Variants in INSR observed in about 807,000 individuals in gnomAD.
INSR encodes the protein IR.
Under a neutral mutation model 142.6 loss-of-function variants are expected in INSR, and 67 were observed. The observed-to-expected ratio is 0.47, with a 90% CI of 0.39 to 0.58. The LOEUF (loss-of-function observed/expected upper bound fraction) is 0.58. Among genes scored for constraint, INSR ranks in the 20% least tolerant of loss-of-function variants. INSR has a pLI of 0.00. For missense variants in INSR, 1,248 were observed against 1,833.2 expected (o/e 0.68, Z 5.83); for synonymous variants, 756 against 743.1 (o/e 1.02, Z -0.28).
intron 3 of INSR, among the ~76,000 whole-genome samples, chr19:7,181,720 T>C (rs73486582): frequency 0.013 from 2,037 of 152,006 alleles, 28 homozygotes; most frequent in Middle Eastern, 0.054. Flanking sequence ...CAGGTATGCA[T>C]CACCATGCCC....
intron 2 of INSR, among the ~76,000 whole-genome samples, chr19:7,214,574 A>G (rs1044704578): frequency 9.9e-5 from 15 of 152,212 alleles, no homozygotes; most frequent in African/African-American, 3.6e-4. Flanking sequence ...AGAGATTTCA[A>G]CACAGCGTTT....
chr19:7,185,632 C>G (rs1974405504), intron 2 of INSR, among the ~76,000 whole-genome samples: 1 of 151,576 alleles, frequency 6.6e-6, no homozygotes, highest in Non-Finnish European at 1.5e-5. Context: ...CACCTGAGGT[C>G]AGGAGTTTGA....
intron 2 of INSR, among the ~76,000 whole-genome samples, chr19:7,237,067 A>AG (rs940076144): frequency 1.3e-5 from 2 of 151,278 alleles, no homozygotes; most frequent in Non-Finnish European, 2.9e-5. Flanking sequence ...TTGGGGACTC[A>AG]GGGGGAAAGG....
intron 2 of INSR, among the ~76,000 whole-genome samples, chr19:7,224,211 G>A (rs1290966407): frequency 6.6e-6 from 1 of 151,044 alleles, no homozygotes; most frequent in Non-Finnish European, 1.5e-5. Context: ...CAAAGTGCTG[G>A]GATTACAGGA....
At chr19:7,134,043 C>T (rs1313719140) in intron 13 of INSR, among the ~76,000 whole-genome samples, 2 of 151,952 alleles carry the variant, frequency 1.3e-5, no homozygotes, top group Non-Finnish European at 2.9e-5. Flanking sequence ...AGCTCTTGAA[C>T]TCAGAACTGT....
chr19:7,145,956 G>A (rs976324015), intron 11 of INSR, among the ~76,000 whole-genome samples: 2 of 152,120 alleles, frequency 1.3e-5, no homozygotes, highest in African/African-American at 4.8e-5. Context: ...TTATCTTGTA[G>A]AAGAAATATT....
chr19:7,245,631 T>A (rs1367354691), intron 2 of INSR, among the ~76,000 whole-genome samples: 2 of 151,840 alleles, frequency 1.3e-5, no homozygotes, highest in Non-Finnish European at 2.9e-5. Flanking sequence ...GTATTTATAG[T>A]AGCGGGGTTT....
intron 3 of INSR, among the ~76,000 whole-genome samples, chr19:7,178,394 A>T (rs1355710368): frequency 6.6e-6 from 1 of 152,016 alleles, no homozygotes; most frequent in African/African-American, 2.4e-5. Flanking sequence ...GATTTCAATC[A>T]ATCACGCCTA....
chr19:7,230,315 G>A (rs964358586), intron 2 of INSR, among the ~76,000 whole-genome samples: 1 of 152,168 alleles, frequency 6.6e-6, no homozygotes, highest in African/African-American at 2.4e-5. Context: ...GTCAGGCTGT[G>A]AGCTCAGAGC....
intron 2 of INSR, among the ~76,000 whole-genome samples, chr19:7,256,811 T>C (rs1386378419): frequency 6.6e-6 from 1 of 150,528 alleles, no homozygotes; most frequent in Non-Finnish European, 1.5e-5. Context: ...TTCAGTACAG[T>C]TTTTTTTGTT....
chr19:7,194,678 ATTT>A lies in INSR; in HGVS notation c.653-10044_653-10042del, dbSNP rs35692691. On this transcript the variant is annotated intron_variant, in intron 2 of 21. Coordinates refer to ENST00000302850, the MANE Select transcript of INSR (RefSeq NM_000208.4). ...CAGGCACACGCCACCACACCAACTG[ATTT>A]TTTTTTTTTTTTTTTTTTTAGTGGA... Among the ~76,000 whole-genome samples the A allele has an allele frequency of 1.8e-3, 202 of 111,300 alleles. 1 individual carries two copies. The highest frequency in any genetic ancestry group is 0.011 in the South Asian group (33 of 3,096). 73.0% of individuals were successfully genotyped at this position (111,300 alleles called of 152,430 possible).
At chr19:7,238,171 C>T (rs1976221655) in intron 2 of INSR, among the ~76,000 whole-genome samples, 1 of 152,124 alleles carries the variant, frequency 6.6e-6, no homozygotes, top group African/African-American at 2.4e-5. Flanking sequence ...GTTTCCCTCC[C>T]ACACTAAGGA....
At chr19:7,280,221 G>A (rs1009007868) in intron 1 of INSR, among the ~76,000 whole-genome samples, 6 of 151,598 alleles carry the variant, frequency 4.0e-5, no homozygotes, top group South Asian at 2.1e-4. Flanking sequence ...TCGAGACTGC[G>A]CCACTGCACT....
chr19:7,154,402 A>G (rs1001637028), intron 9 of INSR, among the ~76,000 whole-genome samples: 7 of 139,768 alleles, frequency 5.0e-5, no homozygotes, highest in Non-Finnish European at 7.6e-5. Flanking sequence ...GCTTGGGTTC[A>G]TGGCATTCTC....
chr19:7,249,819 C>T (rs4328554), intron 2 of INSR, among the ~76,000 whole-genome samples: 52,388 of 151,760 alleles, frequency 0.35, 9,149 homozygotes, highest in South Asian at 0.45. Context: ...GGTGAAACCC[C>T]GTCTCTACTA....
rs534905238 is a variant in INSR at position 7,213,355 on chromosome 19, A to C, written c.653-28718T>G. Among the ~76,000 whole-genome samples the C allele has an allele frequency of 9.5e-5, 14 of 147,990 alleles. No individual in the cohort carries two copies. The East Asian group carries it at 2.2e-3, about 23-fold the overall frequency. On this transcript the variant is annotated intron_variant, in intron 2 of 21. Transcript: ENST00000302850. ...CGACTCCATCTCAAAAAAAAAAAAA[A>C]AAAACAAACAAAAAACCCTACAGGG...
chr19:7,279,732 T>C (rs1042947015), intron 1 of INSR, among the ~76,000 whole-genome samples: 15 of 151,652 alleles, frequency 9.9e-5, no homozygotes, highest in Admixed American at 2.0e-4. Flanking sequence ...CCCAGCACTT[T>C]GTGAGGCTGA....
intron 2 of INSR, among the ~76,000 whole-genome samples, chr19:7,240,874 G>C (rs1976318551): frequency 6.6e-6 from 1 of 152,132 alleles, no homozygotes; most frequent in African/African-American, 2.4e-5. Flanking sequence ...TTAACGTTTA[G>C]ACCTCGTTCT....
chr19:7,223,454 G>A (rs1975683995), intron 2 of INSR, among the ~76,000 whole-genome samples: 1 of 152,122 alleles, frequency 6.6e-6, no homozygotes, highest in African/African-American at 2.4e-5. Flanking sequence ...GGGTTACCTG[G>A]GCACACTGTG....
Sources: gnomAD v4.1 joint callset for allele counts (sites outside exome capture counted in the v4.1 genomes callset) on GRCh38, gnomAD v4.1.1 for gene constraint, MANE v1.5 for transcripts, NCBI Gene and HGNC (gene_info 2026-07-23, HGNC 2026-07-21) for gene names.